Variants in CAMTA1 observed in about 807,000 individuals in gnomAD.
CAMTA1 encodes calmodulin binding transcription activator 1.
A neutral mutation model predicts 170.9 loss-of-function variants in CAMTA1; 27 were observed. The observed-to-expected ratio is 0.16, with a 90% confidence interval of 0.12 to 0.22. The LOEUF is 0.22. Ranked by LOEUF, CAMTA1 falls within the 10% of genes least tolerant of loss-of-function variation. The probability of loss-of-function intolerance (pLI) is 1.00; values close to 1 mark genes in which losing one functional copy is unlikely to be tolerated. For synonymous variants in CAMTA1, 833 were observed against 891.5 expected (o/e 0.93, Z 1.17); for missense variants, 1,619 against 2,217.2 (o/e 0.73, Z 5.42).
At chr1:7,085,047 G>A (rs190333276) in intron 3 of CAMTA1, among the ~76,000 whole-genome samples, 4 of 152,228 alleles carry the variant, frequency 2.6e-5, no homozygotes, top group East Asian at 3.9e-4. Flanking sequence ...GGTTTGTTAC[G>A]TAGGTATACA....
At chr1:7,370,689 C>A (rs1216533537) in intron 5 of CAMTA1, among the ~76,000 whole-genome samples, 1 of 152,102 alleles carries the variant, frequency 6.6e-6, no homozygotes, top group Non-Finnish European at 1.5e-5. Context: ...GGGTTTCTTG[C>A]TATTTTTGAA....
At chr1:7,340,885 A>T (rs992974218) in intron 5 of CAMTA1, among the ~76,000 whole-genome samples, 1 of 152,218 alleles carries the variant, frequency 6.6e-6, no homozygotes, top group Non-Finnish European at 1.5e-5. Flanking sequence ...AGGAGTTCAC[A>T]CCATGAACAA....
chr1:6,884,633 C>A (rs971814745), intron 3 of CAMTA1, among the ~76,000 whole-genome samples: 9 of 152,160 alleles, frequency 5.9e-5, no homozygotes, highest in African/African-American at 2.2e-4. Flanking sequence ...GAATTCTTCT[C>A]AAAAATTACC....
intron 4 of CAMTA1, among the ~76,000 whole-genome samples, chr1:7,196,810 A>G (rs1433609113): frequency 1.3e-5 from 2 of 152,198 alleles, no homozygotes; most frequent in Non-Finnish European, 2.9e-5. Context: ...ATGACCAGGA[A>G]TTATTCACCA....
At chr1:6,801,493 T>G (rs1437223362) in intron 1 of CAMTA1, among the ~76,000 whole-genome samples, 1 of 152,110 alleles carries the variant, frequency 6.6e-6, no homozygotes, top group Non-Finnish European at 1.5e-5. Context: ...GCCCTTGTCA[T>G]TTGATGAGGG....
chr1:7,033,588 C>T (rs1176513527), intron 3 of CAMTA1, among the ~76,000 whole-genome samples: 67 of 95,082 alleles, frequency 7.0e-4, no homozygotes, highest in African/African-American at 1.1e-3. Context: ...TGTAAATATT[C>T]TTTTTTTTTT....
At chr1:7,389,040 C>T (rs530943043) in intron 5 of CAMTA1, among the ~76,000 whole-genome samples, 6 of 152,320 alleles carry the variant, frequency 3.9e-5, no homozygotes, top group African/African-American at 9.6e-5. Flanking sequence ...CACTGCACGG[C>T]GAGAGGGAGG....
At chr1:7,662,442 C>T (rs1185544433) in intron 8 of CAMTA1, among the ~76,000 whole-genome samples, 4 of 152,040 alleles carry the variant, frequency 2.6e-5, no homozygotes, top group African/African-American at 7.2e-5. Context: ...CACTTCTCTA[C>T]GCAGTCTTGG....
At position 7,614,361 on chromosome 1, in the gene CAMTA1, A is replaced by C. The variant is rs139131078; in HGVS notation, c.511-26039A>C. 5.4e-3 allele frequency among the ~76,000 whole-genome samples: 826 copies of C among 152,174 alleles called. 13 individuals are homozygous for C. Among genetic ancestry groups the C allele is most frequent in the African/African-American group, 0.019 (798 of 41,452 alleles). ...ACCTATTTATGTCCATCTCCTGCTCACACAAAACCAGATTCCAGAGACAAA... is the reference window on the plus strand; with the variant it reads ...ACCTATTTATGTCCATCTCCTGCTCCCACAAAACCAGATTCCAGAGACAAA... On this transcript the variant is annotated intron_variant, in intron 6 of 22. Transcript: ENST00000303635.
chr1:7,590,157 A>AG (rs1358972155), intron 6 of CAMTA1, among the ~76,000 whole-genome samples: 11 of 152,206 alleles, frequency 7.2e-5, no homozygotes, highest in Non-Finnish European at 1.6e-4. Flanking sequence ...TCCCTAAGGC[A>AG]GGGGTGAGGA....
At chr1:7,310,605 TTTC>T (rs1242293962) in intron 5 of CAMTA1, among the ~76,000 whole-genome samples, 1,347 of 5,918 alleles carry the variant, frequency 0.23, 21 homozygotes, top group African/African-American at 0.35. Flanking sequence ...TTTTCTTTTC[TTTC>T]TTTCTTTCTT....
chr1:7,111,301 C>T (rs1322114126), intron 4 of CAMTA1, among the ~76,000 whole-genome samples: 1 of 152,192 alleles, frequency 6.6e-6, no homozygotes, highest in African/African-American at 2.4e-5. Flanking sequence ...CCACAGGTTT[C>T]GGGGATTAGG....
intron 5 of CAMTA1, among the ~76,000 whole-genome samples, chr1:7,433,217 G>A (rs899221757): frequency 6.6e-6 from 1 of 152,254 alleles, no homozygotes; most frequent in Non-Finnish European, 1.5e-5. Flanking sequence ...GGTGTTGGGT[G>A]TCAGAGAAGG....
At chr1:7,719,385 T>C (rs1435601174) in intron 11 of CAMTA1, among the ~76,000 whole-genome samples, 1 of 152,258 alleles carries the variant, frequency 6.6e-6, no homozygotes, top group Non-Finnish European at 1.5e-5. Flanking sequence ...CTAATCACTG[T>C]TGGTCCGTTG....
intron 6 of CAMTA1, among the ~76,000 whole-genome samples, chr1:7,501,509 G>T (rs2094005377): frequency 6.6e-6 from 1 of 152,156 alleles, no homozygotes; most frequent in African/African-American, 2.4e-5. Context: ...GAGAGGGATG[G>T]TTTGTGCTGT....
intron 7 of CAMTA1, among the ~76,000 whole-genome samples, chr1:7,654,288 G>A (rs2095865282): frequency 6.6e-6 from 1 of 152,088 alleles, no homozygotes; most frequent in South Asian, 2.1e-4. Flanking sequence ...GCTGAGGCAT[G>A]AGAATTGCTT....
At chr1:7,081,030 C>T (rs1200508485) in intron 3 of CAMTA1, among the ~76,000 whole-genome samples, 1 of 152,202 alleles carries the variant, frequency 6.6e-6, no homozygotes, top group Non-Finnish European at 1.5e-5. Flanking sequence ...GCATGGCTAC[C>T]AAAGGAACAA....
intron 1 of CAMTA1, among the ~76,000 whole-genome samples, chr1:6,800,507 A>G (rs187314190): frequency 1.3e-3 from 195 of 152,362 alleles, no homozygotes; most frequent in Middle Eastern, 0.01. Context: ...GTCTTTGTTC[A>G]GACATAGATG....
rs528285319 is a variant in CAMTA1 at position 7,541,082 on chromosome 1, C to T, written c.510+73181C>T. Among the ~76,000 whole-genome samples the T allele has an allele frequency of 1.5e-4, 23 of 152,368 alleles. No homozygotes were observed. The South Asian group carries it at 4.6e-3, about 30-fold the overall frequency. The stretch of plus-strand genomic sequence containing the variant: ...GCTGTGCTGGGCAGGACAGAGTGAC[C>T]TTCCTCGAGGCTCCAGCTGTACATG... On this transcript the variant is annotated intron_variant, in intron 6 of 22. Coordinates refer to ENST00000303635, the MANE Select transcript of CAMTA1 (RefSeq NM_015215.4).
Sources: allele counts gnomAD v4.1 joint callset (sites outside exome capture counted in the v4.1 genomes callset), GRCh38; gene constraint gnomAD v4.1.1; transcripts MANE v1.5; gene names NCBI Gene and HGNC (gene_info 2026-07-23, HGNC 2026-07-21).